Variants in ATAD5 observed in about 807,000 individuals in gnomAD.
ATAD5 encodes ATPase family AAA domain-containing protein 5.
A neutral mutation model predicts 176.9 loss-of-function variants in ATAD5; 58 were observed. The ratio of observed to expected loss-of-function variants is 0.33; its 90% CI spans 0.27 to 0.41. The LOEUF (loss-of-function observed/expected upper bound fraction) is 0.41. Ranked by LOEUF, ATAD5 falls within the 10% of genes least tolerant of loss-of-function variation. The probability of loss-of-function intolerance (pLI) is 1.00; values close to 1 mark genes in which losing one functional copy is unlikely to be tolerated. For synonymous variants in ATAD5, 640 were observed against 712.6 expected (o/e 0.90, Z 1.62); for missense variants, 1,789 against 2,094.1 (o/e 0.85, Z 2.84).
chr17:30,893,160 GATAA>G (rs895423025), intron 20 of ATAD5, 130 bp from the exon 21 acceptor site: 8 of 892,874 alleles, frequency 9.0e-6, no homozygotes, highest in South Asian at 3.3e-5. Flanking sequence ...ATTAAATATA[GATAA>G]ATAAAATTAT....
intron 19 of ATAD5, among the ~76,000 whole-genome samples, chr17:30,889,350 C>A (rs747084236): frequency 1.7e-4 from 25 of 150,834 alleles, no homozygotes; most frequent in Non-Finnish European, 3.1e-4. Context: ...CTTAAATTTT[C>A]AAACTGTTAC....
chr17:30,844,882 G>A lies in ATAD5; in HGVS notation c.2416G>A (p.Ala806Thr), dbSNP rs752050340. The A allele has an allele frequency of 5.7e-6, 9 of 1,584,632 alleles. No individual in the cohort carries two copies. The highest frequency in any genetic ancestry group is 6.0e-6 in the Non-Finnish European group (7 of 1,172,538). Residue 806 changes from alanine to threonine, a missense_variant, in exon 6 of 23, where the codon GCA (alanine) becomes ACA (threonine). By Grantham distance (58) the Ala-to-Thr change is moderately conservative. This residue lies in a region of ATAD5 where 487 missense variants were observed against 573.6 expected (regional missense o/e 0.85). Coordinates refer to ENST00000321990, the MANE Select transcript of ATAD5 (RefSeq NM_024857.5). The stretch of plus-strand genomic sequence containing the variant: ...ATTTCTTGTCAGAAAAGCACAAAAA[G>A]CAGCTGATCCTGTCCCTAGTTTTGA... ...PLFLVRKAQK[A>T]ADPVPSFDES...
chr17:30,893,128 A>T (rs1261209670), intron 20 of ATAD5, among the ~76,000 whole-genome samples, 166 bp from the exon 21 acceptor site: 2 of 152,178 alleles, frequency 1.3e-5, no homozygotes, highest in Middle Eastern at 3.2e-3. Flanking sequence ...TTTAATTTTT[A>T]GACATAGTAC....
rs61664127 is a variant in ATAD5 at position 30,884,424 on chromosome 17, C to CTTTTTT, written c.4078-2751_4078-2746dup. On this transcript the variant is annotated intron_variant, in intron 18 of 22. Coordinates refer to ENST00000321990, the MANE Select transcript of ATAD5 (RefSeq NM_024857.5). ...ACTTGCATTATATTTCTTTTCTTTT[C>CTTTTTT]TTTTTTTTTTTTTTTTTTTTTTGAG... is the stretch of plus-strand genomic sequence containing the variant. 2.1e-3 allele frequency among the ~76,000 whole-genome samples: 168 copies of CTTTTTT among 80,954 alleles called. 1 individual carries two copies. Among genetic ancestry groups the CTTTTTT allele is most frequent in the Non-Finnish European group, 3.1e-3 (138 of 45,152 alleles). The allele number at this position is 80,954 out of a possible 152,430, so 53.1% of individuals were successfully genotyped here. A position where few individuals can be genotyped will look rare whatever the true frequency, so the allele number is the denominator to read the frequency against.
chr17:30,877,661 C>T (rs1479006907), intron 16 of ATAD5, 112 bp downstream of exon 16: 40 of 1,109,436 alleles, frequency 3.6e-5, no homozygotes, highest in Non-Finnish European at 3.9e-6. Flanking sequence ...GTCAGGAATA[C>T]GTGTATCTAT....
At chr17:30,876,636 G>T in intron 15 of ATAD5, 86 bp downstream of exon 15, 2 of 656,602 alleles carry the variant, frequency 3.0e-6, no homozygotes, top group Non-Finnish European at 2.2e-6. Flanking sequence ...ACGAGTTCCT[G>T]TTGCTATTTA....
chr17:30,883,250 G>A (rs2142434294), intron 18 of ATAD5, among the ~76,000 whole-genome samples: 1 of 151,306 alleles, frequency 6.6e-6, no homozygotes, highest in Non-Finnish European at 1.5e-5. Context: ...TCAGCCTCCT[G>A]AGTAGCTAGG....
chr17:30,857,644 A>T (rs146309309), intron 8 of ATAD5, among the ~76,000 whole-genome samples: 102 of 152,354 alleles, frequency 6.7e-4, no homozygotes, highest in Non-Finnish European at 1.3e-3. Context: ...ACATTTAGAT[A>T]CTTTATAAGT....
intron 4 of ATAD5, 55 bp downstream of exon 4, chr17:30,840,836 G>A: frequency 6.7e-7 from 1 of 1,498,766 alleles, no homozygotes; most frequent in Non-Finnish European, 9.0e-7. Context: ...GCTGTTTGGA[G>A]TGGGAGAAGG....
intron 18 of ATAD5, among the ~76,000 whole-genome samples, chr17:30,880,707 T>C (rs1415491288): frequency 6.6e-6 from 1 of 152,050 alleles, no homozygotes; most frequent in South Asian, 2.1e-4. Flanking sequence ...TTATTTCTCT[T>C]TTTTTTGCTT....
At chr17:30,847,936 GGT>G (rs1906630377) in intron 6 of ATAD5, among the ~76,000 whole-genome samples, 1 of 151,722 alleles carries the variant, frequency 6.6e-6, no homozygotes, top group African/African-American at 2.4e-5. Context: ...TAGCCAGGAT[GGT>G]CTCGATCTCC....
intron 18 of ATAD5, among the ~76,000 whole-genome samples, chr17:30,881,065 C>T (rs1297901210): frequency 6.7e-6 from 1 of 149,022 alleles, no homozygotes; most frequent in Non-Finnish European, 1.5e-5. Flanking sequence ...GTGTATATGT[C>T]TTTTTTTCTT....
At chr17:30,885,232 G>T (rs1177688187) in intron 18 of ATAD5, among the ~76,000 whole-genome samples, 1 of 151,944 alleles carries the variant, frequency 6.6e-6, no homozygotes, top group Non-Finnish European at 1.5e-5. Flanking sequence ...CTAGGTTGGA[G>T]GGCAGTGGTG....
At chr17:30,840,209 A>C (rs997611974) in intron 3 of ATAD5, among the ~76,000 whole-genome samples, 9 of 150,578 alleles carry the variant, frequency 6.0e-5, no homozygotes, top group South Asian at 4.2e-4. Flanking sequence ...AAAAAAAAAA[A>C]AAAAAAAAAA....
chr17:30,848,604 G>T (rs904750487), intron 6 of ATAD5, among the ~76,000 whole-genome samples: 2 of 152,022 alleles, frequency 1.3e-5, no homozygotes, highest in African/African-American at 2.4e-5. Context: ...TTTGTCAGTT[G>T]TACACCCAGT....
intron 7 of ATAD5, 43 bp downstream of exon 7, chr17:30,855,370 TAGC>T (rs756518721): frequency 6.6e-6 from 10 of 1,506,338 alleles, no homozygotes; most frequent in African/African-American, 1.4e-5. Context: ...CTTCAGCTGT[TAGC>T]AGGAACATTA....
In ATAD5 at chr17:30,858,086, A is replaced by G. The variant is rs1907392952; in HGVS notation, c.2794-75A>G. ...TGATACTGATTTATGATGGACAGAA[A>G]GTGGTTGGTAGTATTGTAATTAACA... On this transcript the variant is annotated intron_variant, in intron 8 of 22. Coordinates refer to ENST00000321990, the MANE Select transcript of ATAD5 (RefSeq NM_024857.5). The G allele has an allele frequency of 6.4e-6, 8 of 1,251,662 alleles. No individual in the cohort carries two copies. In the South Asian group the frequency reaches 6.5e-5, roughly 10 times the overall value. 77.5% of individuals were successfully genotyped at this position (1,251,662 alleles called of 1,614,324 possible). A position where few individuals can be genotyped will look rare whatever the true frequency, so the allele number is the denominator to read the frequency against.
Position 30,835,291 on chromosome 17 carries a change from A to G in ATAD5, c.1210A>G (p.Met404Val). The change falls in exon 2 of 23, where the codon ATG becomes GTG. Residue 404 changes from methionine (M) to valine (V), a missense_variant. Around this residue, in one of 6 missense-constraint regions of ATAD5, gnomAD observed 696 missense variants for 712.5 expected, o/e 0.98. Transcript: ENST00000321990. ...CACTCTAGAAGAAAGACAGCAATTT[A>G]TGAAAGCATTTAGGCAGCCAGCATC... The part of the protein sequence containing the change: ...KCTLEERQQF[M>V]KAFRQPASDA... 1.9e-6 allele frequency: 3 copies of G among 1,614,148 alleles called. No homozygotes were observed. The highest frequency in any genetic ancestry group is 2.5e-6 in the Non-Finnish European group (3 of 1,180,022).
chr17:30,835,399 G>C lies in ATAD5; in HGVS notation c.1318G>C (p.Asp440His). The C allele has an allele frequency of 6.2e-7, 1 of 1,609,972 alleles. No individual in the cohort carries two copies. Among genetic ancestry groups the C allele is most frequent in the Non-Finnish European group, 8.5e-7 (1 of 1,179,006 alleles). The part of the protein sequence containing the change: ...NEKCLYEVGR[D>H]DNSKKIMENS... ...AAAATGTCTATATGAAGTAGGAAGA[G>C]ATGATAATTCTAAAAAAATCATGGA... Residue 440 changes from aspartate (D) to histidine (H), a missense_variant, in exon 2 of 23, where the codon GAT (aspartate) becomes CAT (histidine). By Grantham distance (81) the Asp-to-His change is moderately conservative. Around this residue, in one of 6 missense-constraint regions of ATAD5, gnomAD observed 696 missense variants for 712.5 expected, o/e 0.98. Transcript: ENST00000321990.
Sources: gnomAD v4.1 joint callset for allele counts (sites outside exome capture counted in the v4.1 genomes callset) on GRCh38, gnomAD v4.1.1 for gene constraint, gnomAD v4.1.1 regional missense constraint, MANE v1.5 for transcripts, NCBI Gene and HGNC (gene_info 2026-07-23, HGNC 2026-07-21) for gene names.